The following NAALADL2 variants were observed in gnomAD, a reference collection of about 807,000 sequenced individuals.
NAALADL2 encodes the protein inactive N-acetylated-alpha-linked acidic dipeptidase-like protein 2.
A neutral mutation model predicts 87.2 loss-of-function variants in NAALADL2; 76 were observed. The ratio of observed to expected loss-of-function variants is 0.87; its 90% CI spans 0.72 to 1.05. NAALADL2 has a LOEUF of 1.05. Ranked by LOEUF, NAALADL2 falls within the 50% of genes least tolerant of loss-of-function variation. The pLI is 0.00. For missense variants in NAALADL2, 1,089 were observed against 945.8 expected, an observed-to-expected ratio of 1.15 and a Z score of -1.99; for synonymous variants, 354 against 331.0, an observed-to-expected ratio of 1.07 and a Z score of -0.75.
intron 2 of NAALADL2, among the ~76,000 whole-genome samples, chr3:174,693,209 C>A (rs573650123): frequency 6.6e-6 from 1 of 152,136 alleles, no homozygotes; most frequent in Non-Finnish European, 1.5e-5. Context: ...TCATTTAGAA[C>A]TGAATGCTAA....
chr3:175,747,008 G>A (rs887138710), intron 12 of NAALADL2, among the ~76,000 whole-genome samples: 2 of 152,164 alleles, frequency 1.3e-5, no homozygotes, highest in Non-Finnish European at 2.9e-5. Context: ...CAATGTAAAT[G>A]CTATGTAAAT....
At chr3:174,559,581 T>C (rs1163580118) in intron 2 of NAALADL2, among the ~76,000 whole-genome samples, 1 of 152,184 alleles carries the variant, frequency 6.6e-6, no homozygotes, top group Non-Finnish European at 1.5e-5. Context: ...CTGGGTGACC[T>C]ATCAGCAACA....
chr3:175,003,163 C>T (rs1748472602), intron 1 of NAALADL2, among the ~76,000 whole-genome samples: 1 of 152,164 alleles, frequency 6.6e-6, no homozygotes, highest in Non-Finnish European at 1.5e-5. Context: ...ATGCCATGTA[C>T]TTTCCTCCAA....
At chr3:174,444,702 C>A (rs1458687652) in intron 1 of NAALADL2, among the ~76,000 whole-genome samples, 3 of 152,152 alleles carry the variant, frequency 2.0e-5, no homozygotes, top group Non-Finnish European at 1.5e-5. Context: ...CAAACAAACT[C>A]TTTTCTGTTT....
intron 10 of NAALADL2, among the ~76,000 whole-genome samples, chr3:175,606,066 G>C (rs924623155): frequency 1.3e-5 from 2 of 152,148 alleles, no homozygotes; most frequent in South Asian, 2.1e-4. Flanking sequence ...ACATCACTAC[G>C]ATGTTGTATG....
At chr3:175,718,186 G>T in intron 11 of NAALADL2, 1 of 1,247,430 alleles carries the variant, frequency 8.0e-7, no homozygotes, top group Non-Finnish European at 1.1e-6. Flanking sequence ...GGAAGGGGAA[G>T]GGCCTGTGGT....
chr3:175,444,626 A>G (rs149505076), intron 5 of NAALADL2, among the ~76,000 whole-genome samples: 49 of 152,270 alleles, frequency 3.2e-4, no homozygotes, highest in African/African-American at 1.1e-3. Context: ...GCCATATGGA[A>G]ATTCTTCATA....
intron 1 of NAALADL2, among the ~76,000 whole-genome samples, chr3:175,040,457 A>ACTT (rs1753931993): frequency 6.6e-6 from 1 of 152,194 alleles, no homozygotes; most frequent in South Asian, 2.1e-4. Flanking sequence ...GCCTTGTGGT[A>ACTT]GAAAACTTAC....
chr3:175,318,986 A>G (rs1170338857), intron 4 of NAALADL2, among the ~76,000 whole-genome samples: 1 of 152,062 alleles, frequency 6.6e-6, no homozygotes, highest in Non-Finnish European at 1.5e-5. Context: ...ATATTTTTAT[A>G]TATTCTTCTA....
intron 6 of NAALADL2, among the ~76,000 whole-genome samples, chr3:175,454,065 C>T (rs1270243850): frequency 6.6e-6 from 1 of 151,958 alleles, no homozygotes; most frequent in East Asian, 1.9e-4. Flanking sequence ...TTGCTTTCAA[C>T]CTTCCTGTAT....
intron 3 of NAALADL2, among the ~76,000 whole-genome samples, chr3:174,760,520 T>G (rs891630757): frequency 6.6e-6 from 1 of 152,170 alleles, no homozygotes; most frequent in African/African-American, 2.4e-5. Context: ...GTGGGATTCT[T>G]TGATTTGTTT....
chr3:175,164,171 G>A (rs1025400101), intron 2 of NAALADL2, among the ~76,000 whole-genome samples: 26 of 151,442 alleles, frequency 1.7e-4, no homozygotes, highest in African/African-American at 6.3e-4. Flanking sequence ...ATAAATGCAT[G>A]CACATTAAAG....
At chr3:175,652,630 C>T (rs1730933893) in intron 11 of NAALADL2, among the ~76,000 whole-genome samples, 1 of 151,902 alleles carries the variant, frequency 6.6e-6, no homozygotes, top group Admixed American at 6.6e-5. Context: ...AGGCGCCCAC[C>T]ACCGCGCCCG....
intron 11 of NAALADL2, among the ~76,000 whole-genome samples, chr3:175,733,027 A>G (rs1168428568): frequency 1.3e-5 from 2 of 152,116 alleles, no homozygotes; most frequent in Non-Finnish European, 2.9e-5. Context: ...CTATGTAACA[A>G]ACCTGCATAT....
At chr3:174,735,500 T>C (rs1483317151) in intron 2 of NAALADL2, among the ~76,000 whole-genome samples, 4 of 152,160 alleles carry the variant, frequency 2.6e-5, no homozygotes, top group Non-Finnish European at 4.4e-5. Flanking sequence ...GTTTAATCCT[T>C]TTTTCCCAAA....
chr3:174,640,392 C>T (rs1560110337), intron 2 of NAALADL2, among the ~76,000 whole-genome samples: 2 of 152,178 alleles, frequency 1.3e-5, no homozygotes, highest in East Asian at 3.9e-4. Flanking sequence ...AGCTAATCTC[C>T]AGCTGTCTAT....
At chr3:174,561,175 T>G (rs1713562275) in intron 2 of NAALADL2, among the ~76,000 whole-genome samples, 1 of 151,150 alleles carries the variant, frequency 6.6e-6, no homozygotes, top group Non-Finnish European at 1.5e-5. Context: ...TAAGAGGGAT[T>G]CTAGCTAAAC....
chr3:174,865,996 A>G (rs762857908), intron 1 of NAALADL2, among the ~76,000 whole-genome samples: 2 of 151,970 alleles, frequency 1.3e-5, no homozygotes, highest in Admixed American at 6.6e-5. Context: ...TATACAAAAT[A>G]TATGCCAGAA....
At chr3:175,327,907 G>A (rs9872750) in intron 5 of NAALADL2, among the ~76,000 whole-genome samples, 78,289 of 151,948 alleles carry the variant, frequency 0.52, 22,644 homozygotes, top group African/African-American at 0.79. Flanking sequence ...TCTGTATGAA[G>A]TGATGCATAA....
Sources: gnomAD v4.1 joint callset for allele counts (sites outside exome capture counted in the v4.1 genomes callset) on GRCh38, gnomAD v4.1.1 for gene constraint, MANE v1.5 for transcripts, NCBI Gene and HGNC (gene_info 2026-07-23, HGNC 2026-07-21) for gene names.